The following MIPEP variants were observed in gnomAD, a reference collection of about 807,000 sequenced individuals.
MIPEP encodes the protein mitochondrial intermediate peptidase.
MIPEP carries 79 observed loss-of-function variants against 90.3 expected under a neutral mutation model. The ratio of observed to expected loss-of-function variants is 0.87; its 90% confidence interval spans 0.73 to 1.05. The LOEUF is 1.05. Ranked by LOEUF, MIPEP falls within the 50% of genes least tolerant of loss-of-function variation. MIPEP has a pLI of 0.00. For synonymous variants in MIPEP, 334 were observed against 315.8 expected (o/e 1.06, Z -0.61); for missense variants, 940 against 905.6 (o/e 1.04, Z -0.49).
At chr13:23,800,854 C>T (rs998677884) in intron 16 of MIPEP, among the ~76,000 whole-genome samples, 1 of 152,180 alleles carries the variant, frequency 6.6e-6, no homozygotes, top group African/African-American at 2.4e-5. Flanking sequence ...TAGCATATTA[C>T]AGACTCCAAG....
intron 3 of MIPEP, among the ~76,000 whole-genome samples, chr13:23,880,206 G>A (rs1871220534): frequency 1.3e-5 from 2 of 151,986 alleles, no homozygotes; most frequent in Admixed American, 1.3e-4. Context: ...CCATTCTCAT[G>A]GGCCTTCCCA....
At chr13:23,886,642 T>C in intron 1 of MIPEP, 136 bp from the exon 2 acceptor site, 1 of 556,242 alleles carries the variant, frequency 1.8e-6, no homozygotes, top group Non-Finnish European at 2.9e-6. Flanking sequence ...TGATCACAGA[T>C]ACCACTATCA....
chr13:23,749,647 C>T (rs553907772), intron 18 of MIPEP, among the ~76,000 whole-genome samples: 1 of 152,136 alleles, frequency 6.6e-6, no homozygotes, highest in Admixed American at 6.5e-5. Context: ...CTCGCAGTGG[C>T]CGAATTGCAT....
intron 16 of MIPEP, among the ~76,000 whole-genome samples, chr13:23,789,235 T>C (rs1475720405): frequency 2.0e-5 from 3 of 152,260 alleles, no homozygotes; most frequent in African/African-American, 7.2e-5. Context: ...TGTTTGCCAG[T>C]ACATTTTATT....
At chr13:23,772,371 T>G (rs942098778) in intron 16 of MIPEP, among the ~76,000 whole-genome samples, 5 of 152,048 alleles carry the variant, frequency 3.3e-5, no homozygotes, top group African/African-American at 1.2e-4. Flanking sequence ...TATGGAAAAC[T>G]TGGGTAATGC....
chr13:23,855,180 T>C (rs1869998395), intron 10 of MIPEP, among the ~76,000 whole-genome samples: 1 of 152,208 alleles, frequency 6.6e-6, no homozygotes, highest in African/African-American at 2.4e-5. Context: ...AAATAATTTA[T>C]TTTTGTATCT....
At chr13:23,735,888 C>T (rs776162298) in intron 18 of MIPEP, among the ~76,000 whole-genome samples, 9 of 151,388 alleles carry the variant, frequency 5.9e-5, no homozygotes, top group Non-Finnish European at 1.0e-4. Context: ...GAACTAAACC[C>T]TACACAGAAA....
In MIPEP at chr13:23,836,358, AG is replaced by A; in HGVS notation, c.1544-10del. On this transcript the variant is annotated splice_polypyrimidine_tract_variant and intron_variant, in intron 13 of 18. Coordinates refer to ENST00000382172, the MANE Select transcript of MIPEP (RefSeq NM_005932.4). The stretch of plus-strand genomic sequence containing the variant: ...AGTAGGGCACCTGGTCCCTAAAACA[AG>A]AAAAAAAAAAAAGTTGGCATGAATC... The A allele has an allele frequency of 6.5e-7, 1 of 1,529,066 alleles. No individual in the cohort carries two copies. Among genetic ancestry groups the A allele is most frequent in the Admixed American group, 2.2e-5 (1 of 45,078 alleles). 94.7% of individuals were successfully genotyped at this position (1,529,066 alleles called of 1,614,324 possible).
chr13:23,748,678 C>T (rs528830548), intron 18 of MIPEP, among the ~76,000 whole-genome samples: 1 of 152,282 alleles, frequency 6.6e-6, no homozygotes, highest in East Asian at 1.9e-4. Context: ...TCCTAAGTCC[C>T]TCCTAAGTCC....
intron 16 of MIPEP, among the ~76,000 whole-genome samples, chr13:23,801,962 T>C (rs150482393): frequency 1.9e-3 from 296 of 152,300 alleles, no homozygotes; most frequent in African/African-American, 6.9e-3. Context: ...TAAAACATTT[T>C]TTTTTCTAGG....
At chr13:23,884,564 G>A (rs997104457) in intron 2 of MIPEP, among the ~76,000 whole-genome samples, 5 of 152,094 alleles carry the variant, frequency 3.3e-5, no homozygotes, top group African/African-American at 9.7e-5. Context: ...GCTGACAGCG[G>A]GCACATCCCT....
intron 7 of MIPEP, among the ~76,000 whole-genome samples, chr13:23,865,247 A>G (rs1313723055): frequency 6.6e-6 from 1 of 152,210 alleles, no homozygotes; most frequent in Non-Finnish European, 1.5e-5. Context: ...CACCACAAAC[A>G]CTATGTTTGT....
intron 16 of MIPEP, among the ~76,000 whole-genome samples, chr13:23,768,740 C>T (rs1210614587): frequency 6.6e-6 from 1 of 151,868 alleles, no homozygotes. Context: ...GTCTCAAAAA[C>T]AAAACAAAAC....
At position 23,889,131 on chromosome 13, in the gene MIPEP, C is replaced by G; in HGVS notation, c.189+1G>C. ...AGGGGAGCTCCTCCTGCGCCGCTCA[C>G]CCGGCGCTCGCCGAACAGGTCCAAG... On this transcript the variant is annotated splice_donor_variant, in intron 1 of 18. Transcript: ENST00000382172. LOFTEE classifies it high-confidence loss of function. The G allele has an allele frequency of 7.1e-7, 1 of 1,416,706 alleles. No homozygotes were observed. Among genetic ancestry groups the G allele is most frequent in the East Asian group, 3.0e-5 (1 of 33,294 alleles). 87.8% of individuals were successfully genotyped at this position (1,416,706 alleles called of 1,614,324 possible).
Position 23,730,374 on chromosome 13 carries a change from C to G in MIPEP, c.2116G>C (p.Glu706Gln). Residue 706 changes from glutamate (E) to glutamine (Q), a missense_variant, in exon 19 of 19, where the codon GAA becomes CAA. Transcript: ENST00000382172. ...ALVSDLDLDFETFLMDSE is the reference protein window; with the variant it reads ...ALVSDLDLDFQTFLMDSE The stretch of plus-strand genomic sequence containing the variant: ...TATTCAGAATCCATGAGGAAAGTTT[C>G]GAAGTCCAGATCCAAGTCGGAAACG... 6.2e-7 allele frequency: 1 copy of G among 1,612,014 alleles called. No homozygotes were observed. The highest frequency in any genetic ancestry group is 8.5e-7 in the Non-Finnish European group (1 of 1,178,566).
intron 16 of MIPEP, among the ~76,000 whole-genome samples, chr13:23,771,512 T>C (rs74038741): frequency 0.028 from 4,195 of 148,740 alleles, 204 homozygotes; most frequent in African/African-American, 0.098. Context: ...ATAGGTAACA[T>C]GTAACTAATT....
rs150167906 is a variant in MIPEP at position 23,874,859 on chromosome 13, A to G, written c.590T>C (p.Leu197Pro). The G allele has an allele frequency of 1.5e-3, 2,338 of 1,599,274 alleles. 4 individuals carry two copies. Among genetic ancestry groups the G allele is most frequent in the Non-Finnish European group, 1.8e-3 (2,160 of 1,175,342 alleles). ...AGAAAGATGTACCTTTTCTTTGTCTAGATGGATTCCACTAATTTCAAAATC... is the reference window on the plus strand; with the variant it reads ...AGAAAGATGTACCTTTTCTTTGTCTGGATGGATTCCACTAATTTCAAAATC... ...MFDFEISGIH[L>P]DKEKRKRAVD... is the part of the protein sequence containing the mutation. The change falls in exon 5 of 19, where the codon CTA becomes CCA. Residue 197 changes from leucine (L) to proline (P), a missense_variant. Leu to Pro is a moderately conservative substitution (Grantham distance 98). Coordinates refer to ENST00000382172, the MANE Select transcript of MIPEP (RefSeq NM_005932.4).
Position 23,874,878 on chromosome 13 carries a change from C to A in MIPEP, c.571G>T (p.Glu191Ter). The A allele has an allele frequency of 6.3e-7, 1 of 1,599,162 alleles. No individual in the cohort carries two copies. Among genetic ancestry groups the A allele is most frequent in the Non-Finnish European group, 8.5e-7 (1 of 1,174,980 alleles). The change falls in exon 5 of 19, where the codon GAA becomes TAA. Residue 191 changes from glutamate to a stop codon, truncating the protein, a stop_gained. Transcript: ENST00000382172. LOFTEE classifies it high-confidence loss of function. ...RVAELFMFDF[E>*]ISGIHLDKEK... ...TTGTCTAGATGGATTCCACTAATTT[C>A]AAAATCAAACATAAACAGTTCAGCC...
At chr13:23,731,483 T>C (rs1180042059) in intron 18 of MIPEP, among the ~76,000 whole-genome samples, 1 of 152,116 alleles carries the variant, frequency 6.6e-6, no homozygotes, top group Non-Finnish European at 1.5e-5. Flanking sequence ...CTGCATACCA[T>C]ACATAAAAAC....
Sources: allele counts gnomAD v4.1 joint callset (sites outside exome capture counted in the v4.1 genomes callset), GRCh38; gene constraint gnomAD v4.1.1; transcripts MANE v1.5; gene names NCBI Gene and HGNC (gene_info 2026-07-23, HGNC 2026-07-21).